The following ITPK1 variants were observed in gnomAD, a reference collection of about 807,000 sequenced individuals.
The protein encoded by ITPK1 is inositol-tetrakisphosphate 1-kinase, also known as inositol 1,3,4-trisphosphate 5/6-kinase.
In ITPK1, 21 loss-of-function variants were observed where a neutral mutation model predicts 45.3. That is an observed-to-expected ratio of 0.46 (90% CI 0.33 to 0.67). The LOEUF is 0.67. Ranked by LOEUF, ITPK1 falls within the 30% of genes least tolerant of loss-of-function variation. The probability of loss-of-function intolerance (pLI) is 0.02; values close to 1 mark genes in which losing one functional copy is unlikely to be tolerated. For synonymous variants in ITPK1, 258 were observed against 253.6 expected (o/e 1.02, Z -0.16); for missense variants, 474 against 573.5 (o/e 0.83, Z 1.77).
chr14:92,991,737 G>A (rs558049951), intron 5 of ITPK1, among the ~76,000 whole-genome samples: 19 of 151,834 alleles, frequency 1.3e-4, no homozygotes, highest in African/African-American at 4.6e-4. Context: ...TGAACACACC[G>A]TGCACACACC....
chr14:93,013,918 G>A (rs1008558742), intron 4 of ITPK1, among the ~76,000 whole-genome samples: 1 of 152,160 alleles, frequency 6.6e-6, no homozygotes, highest in African/African-American at 2.4e-5. Context: ...AGTGACCGGT[G>A]GTAGAAGGAA....
intron 7 of ITPK1, among the ~76,000 whole-genome samples, chr14:92,962,058 G>A (rs549062649): frequency 3.3e-5 from 5 of 152,370 alleles, no homozygotes; most frequent in South Asian, 2.1e-4. Context: ...CCTGGGGTTT[G>A]TTATGGCTGC....
chr14:92,989,377 G>T (rs1456504409), intron 5 of ITPK1, among the ~76,000 whole-genome samples: 1 of 152,152 alleles, frequency 6.6e-6, no homozygotes, highest in Non-Finnish European at 1.5e-5. Flanking sequence ...CCCCAAAGCA[G>T]TCAGGGCTTT....
At chr14:93,049,088 A>T (rs1889902573) in intron 3 of ITPK1, among the ~76,000 whole-genome samples, 1 of 152,228 alleles carries the variant, frequency 6.6e-6, no homozygotes, top group Non-Finnish European at 1.5e-5. Flanking sequence ...CCAGAGGAAA[A>T]GGGACAGTGT....
chr14:92,951,698 C>A (rs73330370), intron 9 of ITPK1, among the ~76,000 whole-genome samples: 1 of 152,136 alleles, frequency 6.6e-6, no homozygotes, highest in East Asian at 1.9e-4. Context: ...TCTGTCCCTG[C>A]AAGCCCAGTG....
intron 5 of ITPK1, among the ~76,000 whole-genome samples, chr14:92,992,516 C>T (rs1008086213): frequency 1.3e-5 from 2 of 152,254 alleles, no homozygotes; most frequent in Non-Finnish European, 2.9e-5. Context: ...ATGACACCCC[C>T]ATTCTCTGCA....
intron 3 of ITPK1, among the ~76,000 whole-genome samples, chr14:93,038,595 T>C (rs981878960): frequency 9.2e-5 from 14 of 152,166 alleles, no homozygotes; most frequent in African/African-American, 3.4e-4. Context: ...TGGTGCAATC[T>C]CGGCTCACTG....
At chr14:92,984,142 A>T (rs1886374403) in intron 5 of ITPK1, among the ~76,000 whole-genome samples, 1 of 152,246 alleles carries the variant, frequency 6.6e-6, no homozygotes, top group Non-Finnish European at 1.5e-5. Flanking sequence ...GATAAGTTCC[A>T]AACTATGAAC....
At chr14:92,972,399 T>C (rs1162399963) in intron 5 of ITPK1, among the ~76,000 whole-genome samples, 1 of 152,074 alleles carries the variant, frequency 6.6e-6, no homozygotes, top group African/African-American at 2.4e-5. Context: ...GGGAAGACCA[T>C]GTGCAGACGT....
In ITPK1 at chr14:92,938,672, C is replaced by G; in HGVS notation, c.*2889G>C. ...TCCCGCCGGCCATGCTGGGTGACTG[C>G]AGGCCCAGCCCACCCACCACGTGTG... On this transcript the variant is annotated 3_prime_UTR_variant, in exon 11 of 11. Transcript: ENST00000267615. The G allele has an allele frequency of 1.5e-6, 1 of 673,106 alleles. No homozygotes were observed. The highest frequency in any genetic ancestry group is 1.7e-5 in the South Asian group (1 of 57,942). The allele number at this position is 673,106 out of a possible 1,614,324, so 41.7% of individuals were successfully genotyped here.
rs746629240 is a variant in ITPK1, at chr14:92,962,848, G to A, written c.366C>T (p.Asp122=). The A allele has an allele frequency of 1.1e-5, 18 of 1,610,244 alleles. No homozygotes were observed. The highest frequency in any genetic ancestry group is 4.5e-5 in the East Asian group (2 of 44,884). ...TGAAGGGTGGCGAGCAGATCCTGTC[G>A]TCTAGGGCAGAAGGGAGGCCTGGTC... is the stretch of plus-strand genomic sequence containing the variant. ...LIRKIEAYME[D]DRICSPPFME... The change falls in exon 6 of 11, where the codon GAC becomes GAT. Residue 122 remains aspartate, a splice_region_variant and synonymous_variant. Transcript: ENST00000267615.
intron 3 of ITPK1, among the ~76,000 whole-genome samples, chr14:93,064,108 CCT>C (rs1266534004): frequency 6.6e-6 from 1 of 152,076 alleles, no homozygotes; most frequent in African/African-American, 2.4e-5. Context: ...ATGGTGAAAC[CCT>C]GTCTCTACCA....
chr14:93,015,440 A>G (rs531377749), intron 4 of ITPK1, among the ~76,000 whole-genome samples: 1 of 152,034 alleles, frequency 6.6e-6, no homozygotes, highest in African/African-American at 2.4e-5. Context: ...ACCCCAGCAC[A>G]CTCCTCCCAA....
chr14:93,077,829 C>T (rs1740689), intron 2 of ITPK1, among the ~76,000 whole-genome samples: 66,840 of 152,026 alleles, frequency 0.44, 15,127 homozygotes, highest in East Asian at 0.61. Flanking sequence ...TTGATTGCTA[C>T]GAGCCAGGGA....
chr14:93,036,261 C>A lies in ITPK1; in HGVS notation c.121-19460G>T. Among the ~76,000 whole-genome samples the A allele has an allele frequency of 6.6e-6, 1 of 152,156 alleles. No homozygotes were observed. The highest frequency in any genetic ancestry group is 1.5e-5 in the Non-Finnish European group (1 of 68,016). ...CCGCTCCTATAGCAACCAGCCCTGC[C>A]CCAGGAGGTCCACATGGTGCAGTGG... On this transcript the variant is annotated intron_variant, in intron 3 of 10. Coordinates refer to ENST00000267615, the MANE Select transcript of ITPK1 (RefSeq NM_014216.6). This position sits in a 1 kb window ranked among gnomAD's most constrained non-coding sequence, Gnocchi z 4.1.
At chr14:93,077,558 T>C (rs1231316747) in intron 2 of ITPK1, among the ~76,000 whole-genome samples, 1 of 152,164 alleles carries the variant, frequency 6.6e-6, no homozygotes, top group Non-Finnish European at 1.5e-5. Context: ...CCTCAGGTGA[T>C]CCGCCTGCCT....
chr14:93,008,325 A>G (rs1234705140), intron 4 of ITPK1, among the ~76,000 whole-genome samples: 4 of 152,216 alleles, frequency 2.6e-5, no homozygotes, highest in Non-Finnish European at 4.4e-5. Context: ...ACTCAGATAC[A>G]GCTCCAGCAG....
In ITPK1 at chr14:92,941,355, C is replaced by G; in HGVS notation, c.*206G>C. On this transcript the variant is annotated 3_prime_UTR_variant, in exon 11 of 11. Coordinates refer to ENST00000267615, the MANE Select transcript of ITPK1 (RefSeq NM_014216.6). ...AGTAGAGAGCAGGCGGACGGCCCCA[C>G]TCCCCAACGGTGGACCACCTGGTAC... is the stretch of plus-strand genomic sequence containing the variant. 1 of 1,411,770 alleles carries G rather than the reference C, an allele frequency of 7.1e-7. No homozygotes were observed. The highest frequency in any genetic ancestry group is 9.2e-7 in the Non-Finnish European group (1 of 1,090,716). 87.5% of individuals were successfully genotyped at this position (1,411,770 alleles called of 1,614,324 possible). A position where few individuals can be genotyped will look rare whatever the true frequency, so the allele number is the denominator to read the frequency against.
chr14:92,952,836 C>T (rs1384824684), intron 8 of ITPK1, among the ~76,000 whole-genome samples: 2 of 152,172 alleles, frequency 1.3e-5, no homozygotes, highest in Admixed American at 6.5e-5. Context: ...GTCAGAAACA[C>T]GCTTGTAGGC....
Sources: allele counts gnomAD v4.1 joint callset (sites outside exome capture counted in the v4.1 genomes callset), GRCh38; gene constraint gnomAD v4.1.1; non-coding constraint Gnocchi (gnomAD v3.1); transcripts MANE v1.5; gene names NCBI Gene and HGNC (gene_info 2026-07-23, HGNC 2026-07-21).